The following DAAM2 variants were observed in gnomAD, a reference collection of about 807,000 sequenced individuals.
DAAM2 encodes the protein disheveled-associated activator of morphogenesis 2.
In DAAM2, 39 loss-of-function variants were observed where a neutral mutation model predicts 120.7. That is an observed-to-expected ratio of 0.32 (90% CI 0.25 to 0.42). DAAM2 has a LOEUF of 0.42. Among genes scored for constraint, DAAM2 ranks in the 10% least tolerant of loss-of-function variants. The pLI, the probability that DAAM2 is intolerant of heterozygous loss-of-function variation, is 1.00. For synonymous variants in DAAM2, 488 were observed against 524.9 expected (o/e 0.93, Z 0.96); for missense variants, 1,283 against 1,401.7 (o/e 0.92, Z 1.35).
chr6:39,847,771 C>T (rs553976621), intron 1 of DAAM2, among the ~76,000 whole-genome samples: 2 of 152,200 alleles, frequency 1.3e-5, no homozygotes, highest in African/African-American at 2.4e-5. Context: ...TCCACTCTTC[C>T]ACTTCTCCCT....
intron 10 of DAAM2, 47 bp from the exon 11 acceptor site, chr6:39,875,283 G>A (rs978882330): frequency 1.9e-6 from 3 of 1,591,346 alleles, no homozygotes; most frequent in Non-Finnish European, 2.6e-6. Flanking sequence ...TGGGGCCCAA[G>A]GGGGACTTCA....
intron 1 of DAAM2, among the ~76,000 whole-genome samples, chr6:39,835,792 T>G (rs1763079971): frequency 6.6e-6 from 1 of 152,130 alleles, no homozygotes; most frequent in Non-Finnish European, 1.5e-5. Context: ...GTGCCTACCC[T>G]AATGAGATGG....
intron 8 of DAAM2, among the ~76,000 whole-genome samples, chr6:39,871,304 C>A (rs921386531): frequency 1.3e-5 from 2 of 152,106 alleles, no homozygotes; most frequent in Non-Finnish European, 2.9e-5. Context: ...GGATTGGCCT[C>A]CCTGAAGGAA....
At chr6:39,886,181 T>C in intron 15 of DAAM2, 1 of 380,420 alleles carries the variant, frequency 2.6e-6, no homozygotes, top group Non-Finnish European at 4.7e-6. Flanking sequence ...ACTAGGCAGA[T>C]GGGAGGAGCT....
intron 1 of DAAM2, among the ~76,000 whole-genome samples, chr6:39,801,050 C>A (rs1332165502): frequency 1.3e-5 from 2 of 152,208 alleles, no homozygotes; most frequent in Non-Finnish European, 1.5e-5. Flanking sequence ...GAGATAATAA[C>A]ATTTCCTTCC....
intron 16 of DAAM2, 74 bp downstream of exon 16, chr6:39,887,666 C>A: frequency 1.0e-6 from 1 of 976,356 alleles, no homozygotes; most frequent in Non-Finnish European, 1.6e-6. Flanking sequence ...TGGTGGCAGT[C>A]TCGGGCCTCT....
At chr6:39,828,697 G>A (rs1762769691) in intron 1 of DAAM2, among the ~76,000 whole-genome samples, 1 of 151,654 alleles carries the variant, frequency 6.6e-6, no homozygotes, top group Admixed American at 6.6e-5. Flanking sequence ...CGGGTAGCTG[G>A]GACTACAGGT....
chr6:39,874,199 C>T (rs941416761), intron 10 of DAAM2, among the ~76,000 whole-genome samples: 11 of 152,196 alleles, frequency 7.2e-5, no homozygotes, highest in Admixed American at 2.0e-4. Context: ...ACCTGAGGCT[C>T]AGCGAGATAT....
intron 1 of DAAM2, among the ~76,000 whole-genome samples, chr6:39,803,896 A>T (rs1761937016): frequency 6.6e-6 from 1 of 152,188 alleles, no homozygotes; most frequent in Non-Finnish European, 1.5e-5. Flanking sequence ...AAAGGCGACC[A>T]TATAATTTAC....
In DAAM2 at chr6:39,834,293, T is replaced by C. The variant is rs1000867910; in HGVS notation, c.-56-21954T>C. Among the ~76,000 whole-genome samples, 3 of 152,250 alleles carry C rather than the reference T, an allele frequency of 2.0e-5. No individual in the cohort carries two copies. In the East Asian group the frequency reaches 5.8e-4, roughly 29 times the overall value. On this transcript the variant is annotated intron_variant, in intron 1 of 24. Transcript: ENST00000274867. ...TGGTTTTCAAATTCCCCCATTTGTA[T>C]GCATGTGACTACCTACATCCTTCTT...
At chr6:39,837,865 G>A (rs947375709) in intron 1 of DAAM2, among the ~76,000 whole-genome samples, 1 of 152,088 alleles carries the variant, frequency 6.6e-6, no homozygotes, top group Non-Finnish European at 1.5e-5. Context: ...GCATATTCAA[G>A]CCAGCTAGTT....
At chr6:39,892,552 G>GA (rs1169147010) in intron 19 of DAAM2, among the ~76,000 whole-genome samples, 4 of 152,152 alleles carry the variant, frequency 2.6e-5, no homozygotes, top group Non-Finnish European at 5.9e-5. Context: ...AGGAGGTCAG[G>GA]ACGGTGGGCA....
intron 1 of DAAM2, among the ~76,000 whole-genome samples, chr6:39,809,868 A>G (rs528486370): frequency 4.6e-5 from 7 of 152,314 alleles, no homozygotes; most frequent in African/African-American, 1.7e-4. Context: ...TTACACAACC[A>G]GTTCAGCAGA....
chr6:39,811,939 G>T (rs1396529773), intron 1 of DAAM2, among the ~76,000 whole-genome samples: 1 of 152,124 alleles, frequency 6.6e-6, no homozygotes, highest in East Asian at 1.9e-4. Context: ...AGGATGCAGG[G>T]CCCCTGTAGA....
chr6:39,832,206 T>C (rs1440567075), intron 1 of DAAM2, among the ~76,000 whole-genome samples: 1 of 151,894 alleles, frequency 6.6e-6, no homozygotes, highest in Admixed American at 6.6e-5. Flanking sequence ...CAGTTAAACC[T>C]GGGTGAAAGT....
intron 1 of DAAM2, among the ~76,000 whole-genome samples, chr6:39,797,891 T>A (rs1761747781): frequency 6.6e-6 from 1 of 152,208 alleles, no homozygotes; most frequent in Non-Finnish European, 1.5e-5. Flanking sequence ...TACCATAGAT[T>A]AGAAGTTGTC....
At chr6:39,853,848 T>C (rs985955243) in intron 1 of DAAM2, among the ~76,000 whole-genome samples, 1 of 152,222 alleles carries the variant, frequency 6.6e-6, no homozygotes, top group African/African-American at 2.4e-5. Context: ...TTCTGGAGGC[T>C]GATGGAACCA....
intron 19 of DAAM2, among the ~76,000 whole-genome samples, chr6:39,893,073 C>G (rs1173841453): frequency 6.6e-6 from 1 of 152,252 alleles, no homozygotes; most frequent in Non-Finnish European, 1.5e-5. Context: ...GTAAGGGGTT[C>G]AGCCCAAGAC....
intron 3 of DAAM2, among the ~76,000 whole-genome samples, chr6:39,862,978 C>G (rs1764277539): frequency 6.6e-6 from 1 of 152,082 alleles, no homozygotes; most frequent in Non-Finnish European, 1.5e-5. Context: ...CTGTAATGCT[C>G]TTTAATAGCC....
Sources: gnomAD v4.1 joint callset for allele counts (sites outside exome capture counted in the v4.1 genomes callset) on GRCh38, gnomAD v4.1.1 for gene constraint, MANE v1.5 for transcripts, NCBI Gene and HGNC (gene_info 2026-07-23, HGNC 2026-07-21) for gene names.